Variants in PRKDC observed in about 807,000 individuals in gnomAD.
PRKDC encodes the protein protein kinase, DNA-activated, catalytic subunit.
A neutral mutation model predicts 486.9 loss-of-function variants in PRKDC; 82 were observed. That is an observed-to-expected ratio of 0.17 (90% CI 0.14 to 0.20). The LOEUF (loss-of-function observed/expected upper bound fraction) is 0.20. PRKDC is among the 10% of genes least tolerant of loss of function. The pLI is 1.00. For synonymous variants in PRKDC, 1,895 were observed against 1,837.0 expected (o/e 1.03, Z -0.81); for missense variants, 4,504 against 5,038.2 (o/e 0.89, Z 3.21).
At chr8:47,930,300 T>C (rs2090228418) in intron 17 of PRKDC, among the ~76,000 whole-genome samples, 1 of 152,200 alleles carries the variant, frequency 6.6e-6, no homozygotes, top group Admixed American at 6.5e-5. Context: ...TGAGACGGAG[T>C]CTCGCTCCGT....
Position 47,849,385 on chromosome 8 carries a change from G to A in PRKDC, c.7124C>T (p.Ala2375Val). Residue 2375 changes from alanine (A) to valine (V), a missense_variant, in exon 53 of 86, where the codon GCA becomes GTA. Physicochemically the swap from Ala to Val is moderately conservative, Grantham distance 64. Around this residue, in one of 6 missense-constraint regions of PRKDC, gnomAD observed 1,592 missense variants for 1,724.6 expected, o/e 0.92. Coordinates refer to ENST00000314191, the MANE Select transcript of PRKDC (RefSeq NM_006904.7). The stretch of plus-strand genomic sequence containing the variant: ...ATCCCTGGACAGCCCATACCTGTCT[G>A]CAAGAGGAGGGAAGCTCTTGGTCAC... ...NKVTKSFPPL[A>V]DRFMNAVFFL... The A allele has an allele frequency of 6.2e-7, 1 of 1,614,022 alleles. No individual in the cohort carries two copies. Among genetic ancestry groups the A allele is most frequent in the Non-Finnish European group, 8.5e-7 (1 of 1,179,896 alleles).
intron 7 of PRKDC, among the ~76,000 whole-genome samples, chr8:47,948,129 T>C (rs2090567182): frequency 6.9e-6 from 1 of 144,874 alleles, no homozygotes; most frequent in Admixed American, 7.3e-5. Context: ...CACACACGCG[T>C]TTATATATAT....
At chr8:47,794,069 GT>G (rs1196828496) in intron 74 of PRKDC, among the ~76,000 whole-genome samples, 4 of 152,096 alleles carry the variant, frequency 2.6e-5, no homozygotes, top group African/African-American at 9.7e-5. Context: ...TGAGCAGAAT[GT>G]TTTGTTAGCA....
rs767152456 is a variant in PRKDC at position 47,828,124 on chromosome 8, C to T, written c.8577+44G>A. ...TGATGATGGAAAGGCCATGTGAAGC[C>T]ACAGCAAACAATGTATATTTGATGA... On this transcript the variant is annotated intron_variant, in intron 62 of 85. Transcript: ENST00000314191. The T allele has an allele frequency of 1.2e-5, 18 of 1,562,948 alleles. 1 individual carries two copies. Among genetic ancestry groups the T allele is most frequent in the Middle Eastern group, 1.7e-4 (1 of 5,964 alleles).
intron 10 of PRKDC, among the ~76,000 whole-genome samples, chr8:47,940,154 A>T (rs1243724745): frequency 6.6e-6 from 1 of 152,226 alleles, no homozygotes; most frequent in African/African-American, 2.4e-5. Flanking sequence ...TCAGGGGACC[A>T]GTGACTTCAG....
intron 54 of PRKDC, 87 bp downstream of exon 54, chr8:47,849,067 A>C (rs2154500185): frequency 6.7e-7 from 1 of 1,494,828 alleles, no homozygotes; most frequent in East Asian, 2.3e-5. Context: ...ATGGAAACCC[A>C]CAGGTTCTTC....
intron 30 of PRKDC, among the ~76,000 whole-genome samples, chr8:47,894,638 C>T (rs2089538883): frequency 6.6e-6 from 1 of 152,142 alleles, no homozygotes; most frequent in Admixed American, 6.5e-5. Context: ...CAGAAGCCGC[C>T]AGGAGCTGTC....
intron 54 of PRKDC, among the ~76,000 whole-genome samples, chr8:47,848,145 G>A (rs1160371798): frequency 3.9e-5 from 6 of 152,060 alleles, no homozygotes; most frequent in African/African-American, 9.7e-5. Context: ...GGGTATATAC[G>A]CAAAGGAAAA....
chr8:47,824,369 G>A (rs2087678015), intron 63 of PRKDC, among the ~76,000 whole-genome samples: 1 of 150,688 alleles, frequency 6.6e-6, no homozygotes, highest in African/African-American at 2.4e-5. Context: ...AGCTACTTGG[G>A]AGGCTGAGGC....
chr8:47,957,964 T>TG (rs1444319380), intron 1 of PRKDC, among the ~76,000 whole-genome samples: 1 of 152,188 alleles, frequency 6.6e-6, no homozygotes, highest in Non-Finnish European at 1.5e-5. Flanking sequence ...TCCCAATCCC[T>TG]GGGGTCACAT....
chr8:47,919,723 G>T (rs576334363), intron 21 of PRKDC, among the ~76,000 whole-genome samples: 1,419 of 127,032 alleles, frequency 0.011, 24 homozygotes, highest in African/African-American at 0.039. Context: ...GTTTTTAGTG[G>T]TTTTTTTTTT....
intron 36 of PRKDC, among the ~76,000 whole-genome samples, chr8:47,883,916 C>A (rs2089276682): frequency 6.6e-6 from 1 of 152,256 alleles, no homozygotes. Context: ...CGCTGTGCAG[C>A]GTGCAGGGCT....
chr8:47,940,406 A>C (rs1206086564), intron 10 of PRKDC, among the ~76,000 whole-genome samples: 1 of 152,198 alleles, frequency 6.6e-6, no homozygotes, highest in Non-Finnish European at 1.5e-5. Flanking sequence ...GAATGGAAGA[A>C]ATCTATCTAG....
At chr8:47,949,309 C>T (rs2090589145) in intron 7 of PRKDC, among the ~76,000 whole-genome samples, 1 of 152,166 alleles carries the variant, frequency 6.6e-6, no homozygotes, top group South Asian at 2.1e-4. Context: ...CCCTGGTGGC[C>T]ATTATTCTCC....
At chr8:47,901,498 G>A (rs2089682586) in intron 27 of PRKDC, among the ~76,000 whole-genome samples, 1 of 151,942 alleles carries the variant, frequency 6.6e-6, no homozygotes, top group South Asian at 2.1e-4. Context: ...AAAAAAAATA[G>A]AAAAGAAAAA....
intron 27 of PRKDC, 145 bp downstream of exon 27, chr8:47,902,422 ACT>A (rs2089703602): frequency 1.1e-5 from 6 of 560,354 alleles, no homozygotes; most frequent in Non-Finnish European, 1.7e-5. Context: ...ATTTTAATTC[ACT>A]TTTTAATTTC....
chr8:47,825,604 C>G (rs956610881), intron 63 of PRKDC, among the ~76,000 whole-genome samples: 4 of 143,276 alleles, frequency 2.8e-5, no homozygotes, highest in African/African-American at 7.8e-5. Context: ...GTACTTAATA[C>G]AGTTAGAAAA....
chr8:47,836,557 A>T, intron 57 of PRKDC, 30 bp from the exon 58 acceptor site: 2 of 1,531,098 alleles, frequency 1.3e-6, no homozygotes, highest in Non-Finnish European at 1.8e-6. Flanking sequence ...AAATGAAATA[A>T]AGTTTCAAAT....
chr8:47,830,140 A>G (rs935793066), intron 61 of PRKDC, among the ~76,000 whole-genome samples: 1 of 152,178 alleles, frequency 6.6e-6, no homozygotes, highest in African/African-American at 2.4e-5. Context: ...AAAGAAAATA[A>G]GTATCGCCCA....
Sources: allele counts gnomAD v4.1 joint callset (sites outside exome capture counted in the v4.1 genomes callset), GRCh38; gene constraint gnomAD v4.1.1; regional missense constraint gnomAD v4.1.1; transcripts MANE v1.5; gene names NCBI Gene and HGNC (gene_info 2026-07-23, HGNC 2026-07-21).